AKR1E2: variants seen among roughly 807,000 people sequenced by gnomAD.
AKR1E2 encodes the protein 1,5-anhydro-D-fructose reductase.
A neutral mutation model predicts 41.9 loss-of-function variants in AKR1E2; 43 were observed. The observed-to-expected ratio is 1.03, with a 90% CI of 0.80 to 1.32. The LOEUF is 1.32. Ranked by LOEUF, AKR1E2 falls within the 40% of genes most tolerant of loss-of-function variation. The pLI is 0.00. For missense variants in AKR1E2, 423 were observed against 396.5 expected (o/e 1.07, Z -0.57); for synonymous variants, 121 against 138.9 (o/e 0.87, Z 0.91).
At chr10:4,839,854 C>T in intron 6 of AKR1E2, 28 bp downstream of exon 6, 1 of 1,587,294 alleles carries the variant, frequency 6.3e-7, no homozygotes, top group Non-Finnish European at 8.7e-7. Context: ...GTGTGTTAGT[C>T]AGAGTCCGAC....
chr10:4,838,182 T>C (rs2961585), intron 5 of AKR1E2, among the ~76,000 whole-genome samples: 132,600 of 152,252 alleles, frequency 0.87, 59,259 homozygotes, highest in East Asian at 0.98. Flanking sequence ...GCTCTGGGAC[T>C]AGCATCCAGC....
At chr10:4,858,412 A>G in the AKR1E2 span, among the ~76,000 whole-genome samples, 1 of 152,212 alleles carries the variant, frequency 6.6e-6, no homozygotes, top group Non-Finnish European at 1.5e-5. Flanking sequence ...TATATTCCCC[A>G]TTAAAAATGA....
chr10:4,849,648 G>A (rs987523654), downstream of AKR1E2, among the ~76,000 whole-genome samples: 19 of 152,248 alleles, frequency 1.2e-4, no homozygotes, highest in Non-Finnish European at 5.9e-5. Flanking sequence ...AGGTTGGTCA[G>A]CAAGGACACA....
chr10:4,839,089 G>C (rs934330449), intron 5 of AKR1E2, among the ~76,000 whole-genome samples: 1 of 152,130 alleles, frequency 6.6e-6, no homozygotes, highest in Non-Finnish European at 1.5e-5. Context: ...TTATAACCTG[G>C]AATTATATGT....
intron 6 of AKR1E2, 22 bp downstream of exon 6, chr10:4,839,848 G>A: frequency 6.3e-7 from 1 of 1,598,070 alleles, no homozygotes; most frequent in Non-Finnish European, 8.6e-7. Context: ...TCAGTGGTGT[G>A]TTAGTCAGAG....
rs1832668918 is a variant in AKR1E2, at chr10:4,827,866, C to CA, written c.39+1503_39+1504insA. Among the ~76,000 whole-genome samples, 3 of 152,156 alleles carry CA rather than the reference C, an allele frequency of 2.0e-5. No homozygotes were observed. In the South Asian group the frequency reaches 6.2e-4, roughly 31 times the overall value. ...TTAAACTGTTGAGTCTCTTGCTTCC[C>CA]TTTATTTCTGCAACAATTTGGTGCA... On this transcript the variant is annotated intron_variant, in intron 1 of 9. Coordinates refer to ENST00000298375, the MANE Select transcript of AKR1E2 (RefSeq NM_001040177.3).
At chr10:4,859,319 G>T in the AKR1E2 span, among the ~76,000 whole-genome samples, 2 of 152,134 alleles carry the variant, frequency 1.3e-5, no homozygotes, top group African/African-American at 4.8e-5. Flanking sequence ...CACAACAAAT[G>T]GAAAATGAAA....
downstream of AKR1E2, among the ~76,000 whole-genome samples, chr10:4,850,857 TG>T (rs1834513975): frequency 6.6e-6 from 1 of 152,236 alleles, no homozygotes; most frequent in Admixed American, 6.5e-5. Context: ...CTTTAATCAA[TG>T]ATAAAATTCG....
upstream of AKR1E2, chr10:4,824,994 G>A (rs1229317677): frequency 1.5e-5 from 7 of 455,458 alleles, no homozygotes; most frequent in Non-Finnish European, 2.6e-5. Context: ...GCCCATGCAG[G>A]TCATTTTCAG....
chr10:4,838,646 G>T (rs113529381), intron 5 of AKR1E2, among the ~76,000 whole-genome samples: 1 of 152,192 alleles, frequency 6.6e-6, no homozygotes, highest in African/African-American at 2.4e-5. Context: ...CAAGAAAAAA[G>T]CCCTCAGCCA....
the AKR1E2 span, among the ~76,000 whole-genome samples, chr10:4,858,022 T>G: frequency 6.6e-6 from 1 of 152,194 alleles, no homozygotes; most frequent in Non-Finnish European, 1.5e-5. Flanking sequence ...TTTCCTTCCT[T>G]CTGTTAGATT....
At chr10:4,846,707 G>A (rs1453661211) in intron 8 of AKR1E2, among the ~76,000 whole-genome samples, 5 of 152,028 alleles carry the variant, frequency 3.3e-5, no homozygotes, top group African/African-American at 4.8e-5. Flanking sequence ...CACCATGTCC[G>A]GCTAATTTTT....
the AKR1E2 span, among the ~76,000 whole-genome samples, chr10:4,854,932 T>C: frequency 6.6e-6 from 1 of 152,206 alleles, no homozygotes; most frequent in Admixed American, 6.5e-5. Flanking sequence ...CTATTGTCTT[T>C]GGAATAATCT....
chr10:4,847,410 T>C, intron 9 of AKR1E2, 78 bp from the exon 10 acceptor site: 1 of 1,557,814 alleles, frequency 6.4e-7, no homozygotes, highest in South Asian at 1.1e-5. Context: ...AGTTTAAAAG[T>C]ATATACCATT....
chr10:4,836,397 G>A (rs1037198704), intron 4 of AKR1E2, among the ~76,000 whole-genome samples: 1 of 152,164 alleles, frequency 6.6e-6, no homozygotes, highest in African/African-American at 2.4e-5. Context: ...AGAGGTTCCT[G>A]GAAGTTGACC....
intron 4 of AKR1E2, among the ~76,000 whole-genome samples, chr10:4,836,948 G>A (rs1333078255): frequency 2.6e-5 from 4 of 152,162 alleles, no homozygotes; most frequent in African/African-American, 4.8e-5. Flanking sequence ...AGAGCTTTAG[G>A]TTGCTCTGCC....
In AKR1E2 at chr10:4,837,559, G is replaced by A. The variant is rs201925727; in HGVS notation, c.560G>A (p.Arg187Lys). ...AGGCTTTTGAATAAGCCTGGGTTGA[G>A]GTTCAAGCCACTAACCAACCAGGTA... is the stretch of plus-strand genomic sequence containing the variant. The part of the protein sequence containing the change: ...LERLLNKPGL[R>K]FKPLTNQIEC... The change falls in exon 5 of 10, where the codon AGG becomes AAG. Residue 187 changes from arginine (R) to lysine (K), a missense_variant. Physicochemically the swap from Arg to Lys is conservative, Grantham distance 26 (BLOSUM62 2). Transcript: ENST00000298375. 4 of 1,613,628 alleles carry A rather than the reference G, an allele frequency of 2.5e-6. No homozygotes were observed. The highest frequency in any genetic ancestry group is 2.2e-5 in the South Asian group (2 of 91,068).
chr10:4,858,967 G>A, the AKR1E2 span, among the ~76,000 whole-genome samples: 1 of 151,798 alleles, frequency 6.6e-6, no homozygotes, highest in Admixed American at 6.6e-5. Context: ...GGGATTACAG[G>A]CATCCACCAC....
At chr10:4,846,160 G>A (rs1834320321) in intron 8 of AKR1E2, 2 of 265,362 alleles carry the variant, frequency 7.5e-6, no homozygotes, top group African/African-American at 2.2e-5. Flanking sequence ...ATGACACGCT[G>A]AGGCTACTTT....
Sources: gnomAD v4.1 joint callset for allele counts (sites outside exome capture counted in the v4.1 genomes callset) on GRCh38, gnomAD v4.1.1 for gene constraint, MANE v1.5 for transcripts, NCBI Gene and HGNC (gene_info 2026-07-23, HGNC 2026-07-21) for gene names.